The following WDR70 variants were observed in gnomAD, a reference collection of about 807,000 sequenced individuals.
WDR70 encodes the protein WD repeat domain 70.
A neutral mutation model predicts 88.6 loss-of-function variants in WDR70; 53 were observed. The observed-to-expected ratio is 0.60, with a 90% CI of 0.48 to 0.75. The LOEUF is 0.75. Ranked by LOEUF, WDR70 falls within the 30% of genes least tolerant of loss-of-function variation. The pLI, the probability that WDR70 is intolerant of heterozygous loss-of-function variation, is 0.00. For synonymous variants in WDR70, 280 were observed against 270.0 expected (o/e 1.04, Z -0.36); for missense variants, 610 against 823.2 (o/e 0.74, Z 3.17).
chr5:37,494,861 A>G (rs1740169139), intron 8 of WDR70, among the ~76,000 whole-genome samples: 1 of 152,220 alleles, frequency 6.6e-6, no homozygotes. Flanking sequence ...GGACTTTAGA[A>G]TCCTTGATTT....
At chr5:37,442,305 G>C (rs1194014941) in intron 6 of WDR70, among the ~76,000 whole-genome samples, 1 of 150,968 alleles carries the variant, frequency 6.6e-6, no homozygotes, top group African/African-American at 2.4e-5. Flanking sequence ...CCAAAGCGCT[G>C]GGATTACAGG....
chr5:37,741,688 G>C (rs931957172), intron 17 of WDR70, among the ~76,000 whole-genome samples: 8 of 152,178 alleles, frequency 5.3e-5, no homozygotes, highest in Non-Finnish European at 5.9e-5. Flanking sequence ...CTCATGCTGG[G>C]CAGCTCAGTT....
At chr5:37,738,026 A>AT (rs960207786) in intron 17 of WDR70, among the ~76,000 whole-genome samples, 3 of 123,294 alleles carry the variant, frequency 2.4e-5, no homozygotes, top group Non-Finnish European at 5.1e-5. Flanking sequence ...TGTGCCTAAT[A>AT]TTTAAAAAAA....
intron 9 of WDR70, among the ~76,000 whole-genome samples, chr5:37,557,469 G>T (rs955096027): frequency 3.3e-5 from 5 of 152,170 alleles, no homozygotes; most frequent in Non-Finnish European, 5.9e-5. Flanking sequence ...CTTGCTATGT[G>T]CCAGGTGAAC....
At chr5:37,516,488 T>A in intron 8 of WDR70, 26 bp from the exon 9 acceptor site, 1 of 1,478,350 alleles carries the variant, frequency 6.8e-7, no homozygotes, top group Non-Finnish European at 9.3e-7. Context: ...AAACATCTTT[T>A]TTTCCCCTTT....
At chr5:37,506,370 A>T (rs1461741282) in intron 8 of WDR70, 5 of 809,948 alleles carry the variant, frequency 6.2e-6, no homozygotes, top group Non-Finnish European at 1.1e-5. Flanking sequence ...CAATAAATTA[A>T]TGCCATCATT....
chr5:37,735,613 G>T (rs1443540064), intron 17 of WDR70, among the ~76,000 whole-genome samples: 1 of 152,162 alleles, frequency 6.6e-6, no homozygotes, highest in African/African-American at 2.4e-5. Flanking sequence ...CTGTCTGTCT[G>T]TGGCATGTAA....
intron 5 of WDR70, among the ~76,000 whole-genome samples, chr5:37,419,987 C>G (rs1047353564): frequency 4.6e-5 from 7 of 152,114 alleles, no homozygotes; most frequent in Admixed American, 4.6e-4. Flanking sequence ...GATCTGCCCC[C>G]CTCAGACTTT....
chr5:37,724,600 A>G, intron 15 of WDR70: 1 of 212,978 alleles, frequency 4.7e-6, no homozygotes, highest in South Asian at 8.3e-5. Flanking sequence ...GTAAGAAAAA[A>G]TAAGAGGCAG....
At chr5:37,456,451 T>C (rs1476566777) in intron 7 of WDR70, among the ~76,000 whole-genome samples, 1 of 152,214 alleles carries the variant, frequency 6.6e-6, no homozygotes, top group African/African-American at 2.4e-5. Flanking sequence ...TAAAGTTCTT[T>C]ATAAGATATG....
intron 9 of WDR70, among the ~76,000 whole-genome samples, chr5:37,566,426 A>T (rs528263034): frequency 5.3e-5 from 8 of 151,506 alleles, no homozygotes; most frequent in African/African-American, 9.7e-5. Flanking sequence ...ATTTGAGATA[A>T]TTTTTTTTTC....
chr5:37,722,541 T>G (rs985619574), intron 14 of WDR70: 7 of 284,554 alleles, frequency 2.5e-5, no homozygotes, highest in African/African-American at 1.3e-4. Context: ...AGTGAAAAGG[T>G]TGGGTAATTT....
intron 5 of WDR70, among the ~76,000 whole-genome samples, chr5:37,430,523 GTAAT>G (rs1050414270): frequency 7.2e-5 from 11 of 152,232 alleles, no homozygotes; most frequent in African/African-American, 2.2e-4. Context: ...TTTTACTGTT[GTAAT>G]TAATTAATAC....
At chr5:37,506,300 C>T in intron 8 of WDR70, 1 of 936,468 alleles carries the variant, frequency 1.1e-6, no homozygotes. Context: ...TCTTTATTGC[C>T]ACTTCTAGGT....
intron 4 of WDR70, among the ~76,000 whole-genome samples, chr5:37,392,967 A>G (rs1490539929): frequency 1.3e-5 from 2 of 151,728 alleles, no homozygotes; most frequent in Admixed American, 6.6e-5. Context: ...CTTTTTGGCA[A>G]TGCAACAATG....
At chr5:37,557,680 C>A (rs1406771433) in intron 9 of WDR70, among the ~76,000 whole-genome samples, 1 of 151,876 alleles carries the variant, frequency 6.6e-6, no homozygotes, top group Non-Finnish European at 1.5e-5. Context: ...AGAGTCAGTG[C>A]TGAGTTTTTG....
intron 3 of WDR70, among the ~76,000 whole-genome samples, chr5:37,390,496 C>T (rs547784458): frequency 1.3e-4 from 19 of 151,820 alleles, no homozygotes; most frequent in South Asian, 2.1e-4. Flanking sequence ...CCGGCCACTA[C>T]GCCTGGCTAA....
intron 7 of WDR70, among the ~76,000 whole-genome samples, chr5:37,451,750 C>T (rs1013549795): frequency 9.2e-5 from 14 of 152,276 alleles, no homozygotes; most frequent in Admixed American, 3.9e-4. Context: ...AATCCCCGCA[C>T]TTTGGGAGGC....
chr5:37,742,898 CA>C (rs1326531127), intron 17 of WDR70, among the ~76,000 whole-genome samples: 1 of 152,174 alleles, frequency 6.6e-6, no homozygotes. Context: ...GGAAAATTGC[CA>C]GGAAAATCTA....
Sources: allele counts gnomAD v4.1 joint callset (sites outside exome capture counted in the v4.1 genomes callset), GRCh38; gene constraint gnomAD v4.1.1; transcripts MANE v1.5; gene names NCBI Gene and HGNC (gene_info 2026-07-23, HGNC 2026-07-21).